VPS13D: variants seen among roughly 807,000 people sequenced by gnomAD.
VPS13D encodes vacuolar protein sorting 13 homolog D.
Under a neutral mutation model 461.9 loss-of-function variants are expected in VPS13D, and 187 were observed. That is an observed-to-expected ratio of 0.40 (90% CI 0.36 to 0.46). The LOEUF (loss-of-function observed/expected upper bound fraction) is 0.46. VPS13D is among the 20% of genes least tolerant of loss of function. The pLI, the probability that VPS13D is intolerant of heterozygous loss-of-function variation, is 0.60. For synonymous variants in VPS13D, 1,951 were observed against 1,986.3 expected (o/e 0.98, Z 0.47); for missense variants, 4,711 against 5,364.9 (o/e 0.88, Z 3.81).
At chr1:12,247,367 A>G (rs918288369) in intron 5 of VPS13D, among the ~76,000 whole-genome samples, 1 of 151,718 alleles carries the variant, frequency 6.6e-6, no homozygotes. Context: ...CAGTGAGCCA[A>G]GATCACACCA....
intron 5 of VPS13D, among the ~76,000 whole-genome samples, chr1:12,245,944 T>G (rs1449070182): frequency 6.6e-6 from 1 of 152,238 alleles, no homozygotes; most frequent in African/African-American, 2.4e-5. Flanking sequence ...TTTATTCCTT[T>G]TTATGACTGA....
At chr1:12,471,940 T>A (rs747899459) in intron 67 of VPS13D, among the ~76,000 whole-genome samples, 3 of 152,188 alleles carry the variant, frequency 2.0e-5, no homozygotes, top group Non-Finnish European at 4.4e-5. Context: ...AATTTTATGT[T>A]CCTATTGCTA....
At chr1:12,317,183 A>G (rs1001304463) in intron 30 of VPS13D, among the ~76,000 whole-genome samples, 2 of 152,198 alleles carry the variant, frequency 1.3e-5, no homozygotes, top group Non-Finnish European at 2.9e-5. Flanking sequence ...CCTAGACGTC[A>G]AAGAAGGAGT....
chr1:12,376,097 T>C (rs1317159759), intron 55 of VPS13D, among the ~76,000 whole-genome samples: 4 of 152,232 alleles, frequency 2.6e-5, no homozygotes, highest in African/African-American at 7.2e-5. Flanking sequence ...TGATTCCCAG[T>C]CTGCAGCATC....
chr1:12,380,886 T>C (rs1181440843), intron 57 of VPS13D, among the ~76,000 whole-genome samples: 1 of 152,192 alleles, frequency 6.6e-6, no homozygotes, highest in Admixed American at 6.5e-5. Context: ...ACATCTGGAA[T>C]GGATTTGTGA....
intron 60 of VPS13D, among the ~76,000 whole-genome samples, chr1:12,392,353 C>T (rs1644437695): frequency 6.6e-6 from 1 of 151,314 alleles, no homozygotes; most frequent in African/African-American, 2.4e-5. Flanking sequence ...GTGGCGGGTG[C>T]CTGTGGTCTC....
intron 2 of VPS13D, among the ~76,000 whole-genome samples, chr1:12,240,447 T>C (rs949379992): frequency 6.6e-6 from 1 of 151,686 alleles, no homozygotes; most frequent in African/African-American, 2.4e-5. Context: ...ATACAAAAAT[T>C]AGCTGGGTGT....
At position 12,430,824 on chromosome 1, in the gene VPS13D, G is replaced by A. The variant is rs181934735; in HGVS notation, c.12333+13997G>A. The stretch of plus-strand genomic sequence containing the variant: ...GGGTCATGCAAATCTCCAGTCCTAC[G>A]ATCACTAAGAAACAAAGCAAAAGGG... On this transcript the variant is annotated intron_variant, in intron 65 of 69. Coordinates refer to ENST00000620676, the MANE Select transcript of VPS13D (RefSeq NM_015378.4). Among the ~76,000 whole-genome samples the A allele has an allele frequency of 1.3e-3, 193 of 152,258 alleles. 3 individuals are homozygous for A. In the South Asian group the frequency reaches 0.015, roughly 12 times the overall value.
At chr1:12,350,539 A>C (rs1643770535) in intron 46 of VPS13D, among the ~76,000 whole-genome samples, 1 of 152,174 alleles carries the variant, frequency 6.6e-6, no homozygotes, top group African/African-American at 2.4e-5. Context: ...CCGAGGGTAG[A>C]AGTTATAGTT....
rs752668572 is a variant in VPS13D at position 12,234,254 on chromosome 1, T to C, written c.-13T>C. On this transcript the variant is annotated 5_prime_UTR_variant, in exon 2 of 70. Transcript: ENST00000620676. Reference sequence around the variant, plus strand: ...TCCATGATTTCTAAACACCTTTTCCTGAGGATATAGTCATGTTGGAAGGCC... The same window carrying C: ...TCCATGATTTCTAAACACCTTTTCCCGAGGATATAGTCATGTTGGAAGGCC... 6 of 1,588,454 alleles carry C rather than the reference T, an allele frequency of 3.8e-6. No individual in the cohort carries two copies. In the African/African-American group the frequency reaches 8.1e-5, roughly 21 times the overall value.
rs1642979041 is a variant in VPS13D, at chr1:12,319,565, A to G, written c.7483A>G (p.Thr2495Ala). Residue 2495 changes from threonine (T) to alanine (A), a missense_variant, in exon 32 of 70, where the codon ACA (threonine) becomes GCA (alanine). By Grantham distance (58) the Thr-to-Ala change is moderately conservative (BLOSUM62 0). Coordinates refer to ENST00000620676, the MANE Select transcript of VPS13D (RefSeq NM_015378.4). Reference sequence around the variant, plus strand: ...CAATGCCATTATTCTGAAAGGCACCACAGTGCTCACCTATAAGCCCCGGTT... The same window carrying G: ...CAATGCCATTATTCTGAAAGGCACCGCAGTGCTCACCTATAAGCCCCGGTT... Reference protein sequence around the residue: ...DTNAIILKGTTVLTYKPRFVD... With the variant: ...DTNAIILKGTAVLTYKPRFVD... 1 of 1,614,222 alleles carries G rather than the reference A, an allele frequency of 6.2e-7. No homozygotes were observed. Among genetic ancestry groups the G allele is most frequent in the African/African-American group, 1.3e-5 (1 of 75,050 alleles).
intron 67 of VPS13D, among the ~76,000 whole-genome samples, chr1:12,468,032 G>T (rs911186993): frequency 2.6e-5 from 4 of 152,074 alleles, no homozygotes; most frequent in Non-Finnish European, 5.9e-5. Flanking sequence ...TGTGATTTGG[G>T]GTTATTCCAT....
chr1:12,459,392 G>C (rs780781850), intron 66 of VPS13D, among the ~76,000 whole-genome samples: 23 of 152,200 alleles, frequency 1.5e-4, no homozygotes, highest in Non-Finnish European at 2.9e-4. Flanking sequence ...TTTGGTATCT[G>C]CAGGGGATCC....
In VPS13D at chr1:12,267,919, A is replaced by G; in HGVS notation, c.1800A>G (p.Pro600=). The change falls in exon 15 of 70, where the codon CCA becomes CCG. Residue 600 remains proline, a splice_region_variant and synonymous_variant. Transcript: ENST00000620676. ...CTGCAGACAGAAGTGATCATTACCC[A>G]GGTAATTTGTCCTATGTTGTTTTTT... ...TTSADRSDHY[P]AADPDGPVFE... 1.2e-6 allele frequency: 2 copies of G among 1,612,540 alleles called. No homozygotes were observed. The highest frequency in any genetic ancestry group is 2.2e-5 in the East Asian group (1 of 44,832).
intron 60 of VPS13D, among the ~76,000 whole-genome samples, chr1:12,389,293 C>T (rs1465935713): frequency 6.6e-6 from 1 of 152,224 alleles, no homozygotes; most frequent in Admixed American, 6.5e-5. Flanking sequence ...CTCACAGACA[C>T]ACCCAGGATC....
In VPS13D at chr1:12,400,163, AC is replaced by A; in HGVS notation, c.11635-16del. On this transcript the variant is annotated splice_polypyrimidine_tract_variant and intron_variant, in intron 60 of 69. Coordinates refer to ENST00000620676, the MANE Select transcript of VPS13D (RefSeq NM_015378.4). ...GGTCTGTTTTTGTTTTTGCTTTGCTACCTTTCCATGGCCGTAGGTGGACAAT... is the reference window on the plus strand; with the variant it reads ...GGTCTGTTTTTGTTTTTGCTTTGCTACTTTCCATGGCCGTAGGTGGACAAT... The A allele has an allele frequency of 1.9e-6, 3 of 1,609,100 alleles. No homozygotes were observed. Among genetic ancestry groups the A allele is most frequent in the Non-Finnish European group, 2.5e-6 (3 of 1,177,206 alleles).
intron 30 of VPS13D, among the ~76,000 whole-genome samples, chr1:12,315,768 T>C (rs1233174313): frequency 6.6e-6 from 1 of 152,220 alleles, no homozygotes; most frequent in Non-Finnish European, 1.5e-5. Flanking sequence ...TGGTTGAAGA[T>C]GTTTCCTTTG....
chr1:12,383,141 A>C lies in VPS13D; in HGVS notation c.11356A>C (p.Thr3786Pro). ...LSIRVIPDGP[T>P]RALQITDFCH... ...CATCAGAGTCATCCCAGATGGACCA[A>C]CTAGAGCACTCCAGGTGATAATTTG... Residue 3786 changes from threonine to proline, a missense_variant, in exon 58 of 70, where the codon ACT becomes CCT. By Grantham distance (38) the Thr-to-Pro change is conservative (BLOSUM62 -1). Transcript: ENST00000620676. 2 of 1,613,442 alleles carry C rather than the reference A, an allele frequency of 1.2e-6. No individual in the cohort carries two copies. Among genetic ancestry groups the C allele is most frequent in the South Asian group, 2.2e-5 (2 of 90,906 alleles).
intron 67 of VPS13D, among the ~76,000 whole-genome samples, chr1:12,485,719 T>C (rs1645789128): frequency 6.6e-6 from 1 of 152,224 alleles, no homozygotes; most frequent in Non-Finnish European, 1.5e-5. Context: ...TGTGGAATGT[T>C]GTTTGCTGTC....
Sources: gnomAD v4.1 joint callset for allele counts (sites outside exome capture counted in the v4.1 genomes callset) on GRCh38, gnomAD v4.1.1 for gene constraint, MANE v1.5 for transcripts, NCBI Gene and HGNC (gene_info 2026-07-23, HGNC 2026-07-21) for gene names.